FBXW10B: variants seen among roughly 807,000 people sequenced by gnomAD.
The protein encoded by FBXW10B is F-box and WD repeat domain containing 10B, also known as F-box and WD repeat domain containing protein 10B.
the FBXW10B span, among the ~76,000 whole-genome samples, chr17:15,616,941 G>C: frequency 5.9e-5 from 9 of 152,064 alleles, no homozygotes; most frequent in Non-Finnish European, 1.2e-4. Flanking sequence ...GCGGAGCATT[G>C]CATCTGTGTG....
At chr17:15,596,628 C>T in the FBXW10B span, 12 of 1,613,284 alleles carry the variant, frequency 7.4e-6, no homozygotes, top group East Asian at 1.8e-4. Flanking sequence ...TGTGTCTAAA[C>T]GTCTTCAGGC....
chr17:15,597,726 A>G, the FBXW10B span, among the ~76,000 whole-genome samples: 1 of 152,178 alleles, frequency 6.6e-6, no homozygotes, highest in African/African-American at 2.4e-5. Context: ...GTGCTCCCCA[A>G]AAGCACCTTC....
chr17:15,612,736 G>T, the FBXW10B span: 3 of 1,613,798 alleles, frequency 1.9e-6, no homozygotes, highest in African/African-American at 1.3e-5. Context: ...TGTTTCACAC[G>T]CATGCTCTTC....
chr17:15,583,900 G>A, the FBXW10B span, among the ~76,000 whole-genome samples: 11 of 151,928 alleles, frequency 7.2e-5, no homozygotes, highest in African/African-American at 2.4e-4. Context: ...TTAATCTATT[G>A]GCAAATTTTA....
chr17:15,586,551 C>T, the FBXW10B span, among the ~76,000 whole-genome samples: 1 of 151,688 alleles, frequency 6.6e-6, no homozygotes, highest in Admixed American at 6.6e-5. Context: ...CATGCATAGT[C>T]TTTTCATAAT....
At chr17:15,588,404 C>T in the FBXW10B span, 4 of 189,836 alleles carry the variant, frequency 2.1e-5, no homozygotes, top group Non-Finnish European at 4.5e-5. Flanking sequence ...ATTTTCTGCC[C>T]AAATCTTCCA....
chr17:15,589,538 T>C, the FBXW10B span, among the ~76,000 whole-genome samples: 1 of 151,498 alleles, frequency 6.6e-6, no homozygotes, highest in African/African-American at 2.4e-5. Flanking sequence ...CATTAGTTTC[T>C]AATTTATTTT....
At chr17:15,614,844 G>A in the FBXW10B span, among the ~76,000 whole-genome samples, 2 of 152,128 alleles carry the variant, frequency 1.3e-5, no homozygotes, top group Non-Finnish European at 2.9e-5. Flanking sequence ...TCTTGCTTCA[G>A]TTCCCAACTT....
At chr17:15,590,125 T>G in the FBXW10B span, among the ~76,000 whole-genome samples, 1 of 148,882 alleles carries the variant, frequency 6.7e-6, no homozygotes, top group Admixed American at 6.8e-5. Context: ...TGTGCATCCT[T>G]CGCGGCTGAA....
the FBXW10B span, chr17:15,612,898 G>A: frequency 5.2e-6 from 8 of 1,548,350 alleles, no homozygotes; most frequent in Non-Finnish European, 7.0e-6. Flanking sequence ...AGGAGGAAGG[G>A]AAAAACTAGT....
the FBXW10B span, among the ~76,000 whole-genome samples, chr17:15,586,197 T>C: frequency 2.0e-5 from 3 of 151,700 alleles, no homozygotes; most frequent in Non-Finnish European, 4.4e-5. Context: ...AAAAGATTCA[T>C]TTTTTCCTCA....
At chr17:15,616,871 C>G in the FBXW10B span, among the ~76,000 whole-genome samples, 2 of 145,992 alleles carry the variant, frequency 1.4e-5, no homozygotes, top group East Asian at 4.1e-4. Context: ...GGACTTAACA[C>G]AACTCCAGTG....
chr17:15,591,164 C>A, the FBXW10B span, among the ~76,000 whole-genome samples: 1 of 152,198 alleles, frequency 6.6e-6, no homozygotes, highest in Non-Finnish European at 1.5e-5. Flanking sequence ...GCTGGAGTTG[C>A]CTCCCCGGAG....
At chr17:15,584,836 A>C in the FBXW10B span, among the ~76,000 whole-genome samples, 3,070 of 152,330 alleles carry the variant, frequency 0.02, 108 homozygotes, top group African/African-American at 0.07. Context: ...AACTAAACTT[A>C]CACATAAAAT....
the FBXW10B span, among the ~76,000 whole-genome samples, chr17:15,612,272 C>T: frequency 6.6e-6 from 1 of 152,066 alleles, no homozygotes; most frequent in African/African-American, 2.4e-5. Context: ...CTTTGGGAGG[C>T]CGAGGCGGGC....
chr17:15,606,604 T>C, the FBXW10B span, among the ~76,000 whole-genome samples: 4 of 128,358 alleles, frequency 3.1e-5, no homozygotes, highest in South Asian at 1.0e-3. Context: ...TACATATATT[T>C]TTATGTATAT....
chr17:15,610,567 C>A, the FBXW10B span, among the ~76,000 whole-genome samples: 2 of 152,204 alleles, frequency 1.3e-5, no homozygotes, highest in Non-Finnish European at 2.9e-5. Context: ...ACTTTCCCCC[C>A]ACATCCCTCT....
the FBXW10B span, among the ~76,000 whole-genome samples, chr17:15,600,633 C>T: frequency 3.3e-5 from 5 of 152,042 alleles, no homozygotes; most frequent in Middle Eastern, 3.4e-3. Flanking sequence ...GTATTCCCTT[C>T]CAGAAGGGGA....
chr17:15,595,112 C>G, the FBXW10B span, among the ~76,000 whole-genome samples: 1 of 151,886 alleles, frequency 6.6e-6, no homozygotes, highest in Non-Finnish European at 1.5e-5. Context: ...GAGGCCGAGG[C>G]GGGCGGATCA....
Sources: allele counts gnomAD v4.1 joint callset (sites outside exome capture counted in the v4.1 genomes callset), GRCh38; gene constraint gnomAD v4.1.1; transcripts MANE v1.5; gene names NCBI Gene and HGNC (gene_info 2026-07-23, HGNC 2026-07-21).